Variants in PTPRD observed in about 807,000 individuals in gnomAD.
The protein encoded by PTPRD is receptor-type tyrosine-protein phosphatase delta.
A neutral mutation model predicts 214.5 loss-of-function variants in PTPRD; 34 were observed. The observed-to-expected ratio is 0.16, with a 90% CI of 0.12 to 0.21. The LOEUF is 0.21. Among genes scored for constraint, PTPRD ranks in the 10% least tolerant of loss-of-function variants. PTPRD has a pLI of 1.00. For missense variants in PTPRD, 2,545 were observed against 2,398.7 expected, an observed-to-expected ratio of 1.06 and a Z score of -1.27; for synonymous variants, 1,128 against 845.7, an observed-to-expected ratio of 1.33 and a Z score of -5.79.
chr9:10,343,137 C>T (rs1328724954), intron 2 of PTPRD, among the ~76,000 whole-genome samples: 2 of 152,016 alleles, frequency 1.3e-5, no homozygotes, highest in African/African-American at 2.4e-5. Flanking sequence ...AGCCCCCGAC[C>T]CCCTGACAGG....
intron 11 of PTPRD, among the ~76,000 whole-genome samples, chr9:8,912,007 A>T (rs2098751695): frequency 6.6e-6 from 1 of 152,192 alleles, no homozygotes; most frequent in Non-Finnish European, 1.5e-5. Context: ...AACAGTAACA[A>T]GTACTGGTAA....
intron 4 of PTPRD, among the ~76,000 whole-genome samples, chr9:9,960,316 A>G (rs906818927): frequency 1.4e-4 from 22 of 152,124 alleles, no homozygotes; most frequent in African/African-American, 5.3e-4. Context: ...AACAAAATAA[A>G]TAAGAGGTGA....
chr9:8,567,667 T>C (rs1185490693), intron 14 of PTPRD, among the ~76,000 whole-genome samples: 1 of 152,188 alleles, frequency 6.6e-6, no homozygotes, highest in African/African-American at 2.4e-5. Context: ...CTCTTTGAGC[T>C]CAGTAAATTC....
At chr9:9,797,214 T>C (rs947108424) in intron 5 of PTPRD, among the ~76,000 whole-genome samples, 1 of 148,266 alleles carries the variant, frequency 6.7e-6, no homozygotes, top group African/African-American at 2.5e-5. Context: ...ACCAAAATAG[T>C]AATACCCTAG....
At chr9:10,260,619 G>A (rs184151671) in intron 3 of PTPRD, among the ~76,000 whole-genome samples, 3 of 152,098 alleles carry the variant, frequency 2.0e-5, no homozygotes, top group Admixed American at 6.5e-5. Context: ...GTCTAAATCT[G>A]TAGTCATGCA....
chr9:8,979,836 C>A (rs773245796), intron 11 of PTPRD, among the ~76,000 whole-genome samples: 1 of 152,024 alleles, frequency 6.6e-6, no homozygotes, highest in Non-Finnish European at 1.5e-5. Context: ...CCTTCCTAAA[C>A]AAATTACAGC....
intron 5 of PTPRD, among the ~76,000 whole-genome samples, chr9:9,852,055 G>C (rs1367165406): frequency 6.6e-6 from 1 of 152,052 alleles, no homozygotes; most frequent in African/African-American, 2.4e-5. Flanking sequence ...CTTCTCATCT[G>C]CAGAGCATTG....
At chr9:8,766,524 AAATT>A (rs1565898323) in intron 11 of PTPRD, among the ~76,000 whole-genome samples, 1 of 152,230 alleles carries the variant, frequency 6.6e-6, no homozygotes. Flanking sequence ...ATCAAATAGA[AAATT>A]AATAATTTAT....
intron 3 of PTPRD, among the ~76,000 whole-genome samples, chr9:10,285,509 C>T (rs940190463): frequency 2.6e-5 from 4 of 151,822 alleles, no homozygotes; most frequent in East Asian, 1.9e-4. Context: ...AAAGCACACA[C>T]AGCCTTTGAA....
At chr9:8,579,673 A>C (rs2092852429) in intron 14 of PTPRD, among the ~76,000 whole-genome samples, 2 of 152,258 alleles carry the variant, frequency 1.3e-5, no homozygotes, top group South Asian at 4.1e-4. Flanking sequence ...TTATCAAATC[A>C]AAGTAGGGTA....
intron 11 of PTPRD, among the ~76,000 whole-genome samples, chr9:8,846,092 T>C (rs2097689627): frequency 6.6e-6 from 1 of 152,220 alleles, no homozygotes; most frequent in African/African-American, 2.4e-5. Context: ...TCTAGTGGCA[T>C]ATGAGTAGAT....
At chr9:8,750,497 G>C (rs975852037) in intron 11 of PTPRD, among the ~76,000 whole-genome samples, 3 of 152,022 alleles carry the variant, frequency 2.0e-5, no homozygotes, top group Non-Finnish European at 4.4e-5. Context: ...GTGCTCGAAA[G>C]AAAATTCAGC....
intron 11 of PTPRD, among the ~76,000 whole-genome samples, chr9:8,757,989 T>A (rs938558524): frequency 6.6e-6 from 1 of 152,168 alleles, no homozygotes; most frequent in Non-Finnish European, 1.5e-5. Context: ...ATTCTCCACT[T>A]TCTCATTATC....
At chr9:10,009,669 A>G (rs965242153) in intron 4 of PTPRD, among the ~76,000 whole-genome samples, 1 of 146,236 alleles carries the variant, frequency 6.8e-6, no homozygotes, top group Non-Finnish European at 1.5e-5. Context: ...AGTCTCTTCA[A>G]GATCAGAAAA....
At chr9:10,349,882 G>C (rs866389007) in intron 2 of PTPRD, among the ~76,000 whole-genome samples, 11 of 151,982 alleles carry the variant, frequency 7.2e-5, no homozygotes, top group African/African-American at 2.2e-4. Flanking sequence ...GGTAGGTCTC[G>C]AACTCCTGAC....
intron 5 of PTPRD, among the ~76,000 whole-genome samples, chr9:9,931,680 AG>A (rs1425828534): frequency 4.0e-5 from 6 of 151,264 alleles, no homozygotes; most frequent in Non-Finnish European, 1.5e-5. Context: ...AGGCGTGCTT[AG>A]GTAAACAAAG....
intron 9 of PTPRD, among the ~76,000 whole-genome samples, chr9:9,249,507 T>C (rs1244719868): frequency 1.3e-5 from 2 of 152,124 alleles, no homozygotes; most frequent in Non-Finnish European, 2.9e-5. Flanking sequence ...AATCAGAATG[T>C]CTGCTTATTA....
At chr9:10,128,387 G>T (rs2098835276) in intron 3 of PTPRD, among the ~76,000 whole-genome samples, 2 of 152,204 alleles carry the variant, frequency 1.3e-5, no homozygotes, top group South Asian at 2.1e-4. Flanking sequence ...CATGCACACA[G>T]GGAGCACACC....
intron 7 of PTPRD, among the ~76,000 whole-genome samples, chr9:9,698,104 C>G (rs2097418291): frequency 6.6e-6 from 1 of 152,114 alleles, no homozygotes; most frequent in African/African-American, 2.4e-5. Flanking sequence ...GGATTTTTAT[C>G]AGAGAGCTCT....
Sources: allele counts gnomAD v4.1 joint callset (sites outside exome capture counted in the v4.1 genomes callset), GRCh38; gene constraint gnomAD v4.1.1; transcripts MANE v1.5; gene names NCBI Gene and HGNC (gene_info 2026-07-23, HGNC 2026-07-21).